PTPRN2: variants seen among roughly 807,000 people sequenced by gnomAD.
PTPRN2 encodes the protein protein tyrosine phosphatase receptor type N2, also known as receptor-type tyrosine-protein phosphatase N2.
In PTPRN2, 74 loss-of-function variants were observed where a neutral mutation model predicts 118.8. The observed-to-expected ratio is 0.62, with a 90% CI of 0.52 to 0.76. The LOEUF is 0.76. Ranked by LOEUF, PTPRN2 falls within the 30% of genes least tolerant of loss-of-function variation. PTPRN2 has a pLI of 0.00. For synonymous variants in PTPRN2, 641 were observed against 608.0 expected (o/e 1.05, Z -0.80); for missense variants, 1,481 against 1,394.4 (o/e 1.06, Z -0.99).
chr7:158,435,046 C>A (rs1257859006), intron 2 of PTPRN2, among the ~76,000 whole-genome samples: 2 of 152,120 alleles, frequency 1.3e-5, no homozygotes, highest in African/African-American at 4.8e-5. Context: ...TTGGTCTTAG[C>A]AATTATTTTT....
chr7:158,405,504 G>A (rs748268625), intron 2 of PTPRN2, among the ~76,000 whole-genome samples: 7 of 152,144 alleles, frequency 4.6e-5, no homozygotes, highest in African/African-American at 1.2e-4. Flanking sequence ...GCGTCCGACC[G>A]TCTCTCCTCC....
intron 5 of PTPRN2, among the ~76,000 whole-genome samples, chr7:158,185,691 G>T (rs564422940): frequency 5.7e-4 from 87 of 152,102 alleles, no homozygotes; most frequent in African/African-American, 2.0e-3. Flanking sequence ...AGTTTCCATC[G>T]TACACATTTT....
chr7:158,462,437 C>T (rs1670368), intron 2 of PTPRN2, among the ~76,000 whole-genome samples: 101,619 of 151,990 alleles, frequency 0.67, 34,553 homozygotes, highest in Admixed American at 0.77. Flanking sequence ...TCACATGATG[C>T]GATACCGTAC....
At chr7:157,956,680 G>A (rs1244765365) in intron 11 of PTPRN2, among the ~76,000 whole-genome samples, 1 of 152,196 alleles carries the variant, frequency 6.6e-6, no homozygotes, top group Non-Finnish European at 1.5e-5. Context: ...CCTCCCTAGG[G>A]AATGTCCAAT....
At chr7:158,185,814 G>A (rs1484366203) in intron 5 of PTPRN2, among the ~76,000 whole-genome samples, 1 of 152,130 alleles carries the variant, frequency 6.6e-6, no homozygotes, top group Non-Finnish European at 1.5e-5. Context: ...AACCATGGGG[G>A]AGCTCTCTGC....
chr7:158,029,736 C>G (rs113762880), intron 11 of PTPRN2: 8 of 148,562 alleles, frequency 5.4e-5, no homozygotes, highest in African/African-American at 1.5e-4. Flanking sequence ...AACACAGCAA[C>G]CAGAAATAAC....
chr7:158,572,223 G>A (rs2129451569), intron 1 of PTPRN2, among the ~76,000 whole-genome samples: 1 of 152,302 alleles, frequency 6.6e-6, no homozygotes, highest in East Asian at 1.9e-4. Context: ...CTAGTTGGGT[G>A]GAAAACTGAT....
chr7:158,376,818 T>G (rs59604548), intron 2 of PTPRN2, among the ~76,000 whole-genome samples: 78 of 56,576 alleles, frequency 1.4e-3, no homozygotes, highest in African/African-American at 2.8e-3. Flanking sequence ...CTCTCCCACA[T>G]CCCTGTCACA....
At chr7:158,514,822 T>C (rs1258404157) in intron 1 of PTPRN2, among the ~76,000 whole-genome samples, 12 of 152,156 alleles carry the variant, frequency 7.9e-5, no homozygotes, top group Non-Finnish European at 1.6e-4. Flanking sequence ...CTCGCAGATG[T>C]AACAGCCATG....
At chr7:157,691,014 C>T (rs1271609858) in intron 12 of PTPRN2, among the ~76,000 whole-genome samples, 1 of 148,410 alleles carries the variant, frequency 6.7e-6, no homozygotes, top group Non-Finnish European at 1.5e-5. Flanking sequence ...CCGGCGCGCA[C>T]CCGGCCGGCG....
intron 11 of PTPRN2, among the ~76,000 whole-genome samples, chr7:158,071,493 GTGCTCCTGGTGGAGA>G (rs1811645757): frequency 1.5e-5 from 2 of 136,170 alleles, no homozygotes; most frequent in Non-Finnish European, 3.1e-5. Context: ...CATGGTGCAG[GTGCTCCTGGTGGAGA>G]TGCTCGTGGT....
intron 11 of PTPRN2, among the ~76,000 whole-genome samples, chr7:158,052,696 C>T (rs746801827): frequency 2.6e-5 from 4 of 151,594 alleles, no homozygotes; most frequent in Non-Finnish European, 4.4e-5. Flanking sequence ...TGCTTTGTCT[C>T]GTGGGGGCCG....
At chr7:158,287,972 G>A (rs1319713058) in intron 3 of PTPRN2, among the ~76,000 whole-genome samples, 1 of 151,954 alleles carries the variant, frequency 6.6e-6, no homozygotes, top group African/African-American at 2.4e-5. Flanking sequence ...ATTAATATTT[G>A]CTTTACATAC....
At chr7:158,312,757 G>T (rs1383440328) in intron 3 of PTPRN2, among the ~76,000 whole-genome samples, 2 of 140,446 alleles carry the variant, frequency 1.4e-5, no homozygotes, top group Non-Finnish European at 3.1e-5. Flanking sequence ...TCATTCACGT[G>T]CTCATGTGTA....
chr7:158,540,095 CGTGGCTGCTGCAGCGGGTGCCTGA>C (rs1310918608), intron 1 of PTPRN2, among the ~76,000 whole-genome samples: 1 of 152,182 alleles, frequency 6.6e-6, no homozygotes, highest in Non-Finnish European at 1.5e-5. Context: ...AGTGTCCCCA[CGTGGCTGCTGCAGCGGGTGCCTGA>C]GTGGCCTTTG....
At position 157,779,335 on chromosome 7, in the gene PTPRN2, G is replaced by T. The variant is rs933477337; in HGVS notation, c.1789-96398C>A. ...TACTCTTGGTGACCTGAGGTGAAAG[G>T]TCACGTGCTGGTCGCTTGTGCTGAG... is the stretch of plus-strand genomic sequence containing the variant. On this transcript the variant is annotated intron_variant, in intron 12 of 22. Transcript: ENST00000389418. The surrounding 1 kb of genome is among the most constrained non-coding windows in gnomAD (Gnocchi z 4.7). 1.3e-5 allele frequency among the ~76,000 whole-genome samples: 2 copies of T among 152,174 alleles called. No homozygotes were observed. Among genetic ancestry groups the T allele is most frequent in the African/African-American group, 2.4e-5 (1 of 41,440 alleles).
chr7:157,555,190 C>T (rs950852407), intron 21 of PTPRN2, among the ~76,000 whole-genome samples: 1 of 152,206 alleles, frequency 6.6e-6, no homozygotes, highest in Non-Finnish European at 1.5e-5. Flanking sequence ...AAATCGCTCT[C>T]ATTGTTATTT....
intron 2 of PTPRN2, among the ~76,000 whole-genome samples, chr7:158,406,087 A>G (rs13307231): frequency 0.021 from 828 of 40,008 alleles, 42 homozygotes; most frequent in African/African-American, 0.042. Flanking sequence ...TGGCTCATCC[A>G]TGAGACACGT....
chr7:158,534,080 G>T (rs866165853), intron 1 of PTPRN2, among the ~76,000 whole-genome samples: 53 of 144,552 alleles, frequency 3.7e-4, no homozygotes, highest in Non-Finnish European at 6.7e-4. Flanking sequence ...CTCCATCAGG[G>T]ATGGCTGTGG....
Sources: gnomAD v4.1 joint callset for allele counts (sites outside exome capture counted in the v4.1 genomes callset) on GRCh38, gnomAD v4.1.1 for gene constraint, Gnocchi (gnomAD v3.1) non-coding constraint, MANE v1.5 for transcripts, NCBI Gene and HGNC (gene_info 2026-07-23, HGNC 2026-07-21) for gene names.